Variants in SFMBT2 observed in about 807,000 individuals in gnomAD.
SFMBT2 encodes the protein scm-like with four MBT domains protein 2.
SFMBT2 carries 38 observed loss-of-function variants against 110.1 expected under a neutral mutation model. The ratio of observed to expected loss-of-function variants is 0.35; its 90% confidence interval spans 0.27 to 0.45. The LOEUF is 0.45. SFMBT2 is among the 20% of genes least tolerant of loss of function. The probability of loss-of-function intolerance (pLI) is 1.00; values close to 1 mark genes in which losing one functional copy is unlikely to be tolerated. For missense variants in SFMBT2, 1,011 were observed against 1,094.9 expected (o/e 0.92, Z 1.08); for synonymous variants, 425 against 425.4 (o/e 1.00, Z 0.01).
intron 4 of SFMBT2, among the ~76,000 whole-genome samples, chr10:7,319,738 TAGAG>T (rs775744547): frequency 7.4e-5 from 6 of 81,476 alleles, no homozygotes; most frequent in Non-Finnish European, 1.5e-4. Flanking sequence ...GAGAGGAAGA[TAGAG>T]AGACAGAGAG....
chr10:7,242,089 T>C (rs1454523418), intron 9 of SFMBT2, among the ~76,000 whole-genome samples: 1 of 152,094 alleles, frequency 6.6e-6, no homozygotes, highest in Non-Finnish European at 1.5e-5. Flanking sequence ...CCACAGGGTG[T>C]TCAAACTCTA....
chr10:7,184,405 A>G (rs1027996211), intron 16 of SFMBT2, among the ~76,000 whole-genome samples: 14 of 152,096 alleles, frequency 9.2e-5, no homozygotes, highest in East Asian at 1.9e-4. Context: ...CTTGTCTGCC[A>G]CCATGTGAGA....
chr10:7,201,284 C>T (rs542461884), intron 13 of SFMBT2, among the ~76,000 whole-genome samples: 23 of 152,362 alleles, frequency 1.5e-4, no homozygotes, highest in South Asian at 4.1e-4. Flanking sequence ...GGCCCCATCT[C>T]GGACATTCTG....
chr10:7,378,651 AGTGTGGGTGT>A lies in SFMBT2; in HGVS notation c.100+3138_100+3147del, dbSNP rs148184110. 1.2e-3 allele frequency among the ~76,000 whole-genome samples: 128 copies of A among 105,360 alleles called. 2 individuals are homozygous for A. The East Asian group carries it at 0.029, about 24-fold the overall frequency. 69.1% of individuals were successfully genotyped at this position (105,360 alleles called of 152,430 possible). A position where few individuals can be genotyped will look rare whatever the true frequency, so the allele number is the denominator to read the frequency against. On this transcript the variant is annotated intron_variant, in intron 2 of 20. Transcript: ENST00000397167. ...ATGGATGGGTGGATGGATGGGTGTG[AGTGTGGGTGT>A]GTGTGGGTGTATGTGTGGATGGGTG...
intron 1 of SFMBT2, among the ~76,000 whole-genome samples, chr10:7,383,857 TGA>T (rs1206878722): frequency 6.6e-6 from 1 of 152,152 alleles, no homozygotes; most frequent in African/African-American, 2.4e-5. Context: ...ATTTAAAGTG[TGA>T]GAGCTATGGG....
intron 1 of SFMBT2, among the ~76,000 whole-genome samples, chr10:7,393,789 C>T (rs1396130538): frequency 6.6e-6 from 1 of 152,110 alleles, no homozygotes; most frequent in African/African-American, 2.4e-5. Flanking sequence ...CCCTCTGACC[C>T]CTAGACCTAG....
chr10:7,357,125 A>C (rs1015041507), intron 4 of SFMBT2, among the ~76,000 whole-genome samples: 5 of 152,202 alleles, frequency 3.3e-5, no homozygotes, highest in Admixed American at 6.5e-5. Flanking sequence ...AGTGATTCCA[A>C]GTGTACACAA....
chr10:7,265,207 T>C (rs1259485362), intron 7 of SFMBT2, among the ~76,000 whole-genome samples: 1 of 138,388 alleles, frequency 7.2e-6, no homozygotes, highest in Non-Finnish European at 1.6e-5. Context: ...CTCCCTCCCT[T>C]CCTTCCTTCT....
At chr10:7,242,548 C>G (rs909863258) in intron 9 of SFMBT2, among the ~76,000 whole-genome samples, 3 of 152,154 alleles carry the variant, frequency 2.0e-5, no homozygotes, top group African/African-American at 7.2e-5. Flanking sequence ...TACCATTAGG[C>G]GGAACTCCAT....
chr10:7,334,947 C>T (rs1010471461), intron 4 of SFMBT2, among the ~76,000 whole-genome samples: 5 of 152,142 alleles, frequency 3.3e-5, no homozygotes, highest in African/African-American at 1.2e-4. Context: ...ACAGGCCTGA[C>T]ACAGCCAGAC....
At chr10:7,373,330 T>C (rs1008101508) in intron 2 of SFMBT2, among the ~76,000 whole-genome samples, 5 of 152,224 alleles carry the variant, frequency 3.3e-5, no homozygotes, top group African/African-American at 7.2e-5. Context: ...CTGCCCGTCA[T>C]AGACTTCGCA....
intron 7 of SFMBT2, among the ~76,000 whole-genome samples, chr10:7,268,078 G>A (rs192986021): frequency 5.9e-5 from 9 of 152,296 alleles, no homozygotes; most frequent in Admixed American, 1.3e-4. Flanking sequence ...TATGGAATAC[G>A]ATTTATAAGA....
intron 4 of SFMBT2, among the ~76,000 whole-genome samples, chr10:7,290,307 T>C (rs1842226160): frequency 6.6e-6 from 1 of 151,962 alleles, no homozygotes; most frequent in South Asian, 2.1e-4. Flanking sequence ...CTCATGAACA[T>C]TTTTTCAAGG....
At chr10:7,377,111 G>C (rs1316418534) in intron 2 of SFMBT2, among the ~76,000 whole-genome samples, 1 of 140,774 alleles carries the variant, frequency 7.1e-6, no homozygotes, top group Non-Finnish European at 1.5e-5. Context: ...AGAGGTTGCA[G>C]TGAGCCGAGA....
chr10:7,176,264 A>G, intron 16 of SFMBT2, 99 bp from the exon 17 acceptor site: 1 of 1,270,834 alleles, frequency 7.9e-7, no homozygotes, highest in Non-Finnish European at 1.1e-6. Flanking sequence ...TCATTTTCCA[A>G]TGACAAAGCA....
rs934313727 is a variant in SFMBT2, at chr10:7,160,254, G to C, written c.*3516C>G. 1 of 152,248 alleles carries C rather than the reference G, an allele frequency of 6.6e-6. No individual in the cohort carries two copies. Among genetic ancestry groups the C allele is most frequent in the Non-Finnish European group, 1.5e-5 (1 of 68,066 alleles). 9.4% of individuals were successfully genotyped at this position (152,248 alleles called of 1,614,324 possible). ...AAGGCAAAGAAGTTCTGTAATGCCA[G>C]TAGTACCCTGTTGTTTTTCTAGGTT... On this transcript the variant is annotated 3_prime_UTR_variant, in exon 21 of 21. Transcript: ENST00000397167.
chr10:7,296,557 T>C (rs1164088356), intron 4 of SFMBT2, among the ~76,000 whole-genome samples: 1 of 152,210 alleles, frequency 6.6e-6, no homozygotes, highest in Non-Finnish European at 1.5e-5. Context: ...TCCCGTTAGG[T>C]CTATGAGAAA....
chr10:7,317,060 C>T (rs1013880896), intron 4 of SFMBT2, among the ~76,000 whole-genome samples: 2 of 152,132 alleles, frequency 1.3e-5, no homozygotes, highest in Non-Finnish European at 2.9e-5. Flanking sequence ...CTGGTCGTGT[C>T]CCCCTCATCA....
intron 16 of SFMBT2, among the ~76,000 whole-genome samples, chr10:7,180,170 C>T (rs923811902): frequency 6.6e-6 from 1 of 151,792 alleles, no homozygotes; most frequent in African/African-American, 2.4e-5. Flanking sequence ...TCATCCAGGC[C>T]AGAGTGCAAT....
Sources: gnomAD v4.1 joint callset for allele counts (sites outside exome capture counted in the v4.1 genomes callset) on GRCh38, gnomAD v4.1.1 for gene constraint, MANE v1.5 for transcripts, NCBI Gene and HGNC (gene_info 2026-07-23, HGNC 2026-07-21) for gene names.